The following CEP95 variants were observed in gnomAD, a reference collection of about 807,000 sequenced individuals.
CEP95 encodes the protein centrosomal protein of 95 kDa.
Under a neutral mutation model 111.2 loss-of-function variants are expected in CEP95, and 98 were observed. The ratio of observed to expected loss-of-function variants is 0.88; its 90% CI spans 0.75 to 1.04. The LOEUF is 1.04. CEP95 is among the 50% of genes least tolerant of loss of function. CEP95 has a pLI of 0.00. For missense variants in CEP95, 1,027 were observed against 977.2 expected (o/e 1.05, Z -0.68); for synonymous variants, 323 against 327.1 (o/e 0.99, Z 0.14).
intron 11 of CEP95, among the ~76,000 whole-genome samples, chr17:64,527,870 GTATATATA>G (rs376144614): frequency 8.0e-5 from 9 of 112,654 alleles, no homozygotes; most frequent in South Asian, 6.4e-4. Context: ...GTGTGTGTGT[GTATATATA>G]TATATATATA....
chr17:64,510,079 G>A, intron 2 of CEP95, 94 bp from the exon 3 acceptor site: 1 of 698,390 alleles, frequency 1.4e-6, no homozygotes, highest in South Asian at 1.6e-5. Context: ...AGCCTTTATA[G>A]CAGTTGAGCA....
intron 13 of CEP95, chr17:64,531,229 A>G (rs1968257041): frequency 2.6e-6 from 1 of 383,454 alleles, no homozygotes; most frequent in African/African-American, 2.1e-5. Flanking sequence ...AAAGAAAAGT[A>G]GTGTTTTTCC....
chr17:64,532,076 T>C, intron 14 of CEP95, 54 bp downstream of exon 14: 1 of 1,491,072 alleles, frequency 6.7e-7, no homozygotes. Flanking sequence ...TGAAAGCATG[T>C]GCAACATTCC....
intron 6 of CEP95, chr17:64,520,580 T>C (rs1445294582): frequency 6.6e-6 from 1 of 152,070 alleles, no homozygotes; most frequent in African/African-American, 2.4e-5. Flanking sequence ...ATTACAAGTA[T>C]GTGCCACATG....
At chr17:64,516,198 A>G (rs188316906) in intron 4 of CEP95, 40 of 152,342 alleles carry the variant, frequency 2.6e-4, no homozygotes, top group African/African-American at 8.2e-4. Context: ...GAATCATGGG[A>G]GGTTTCACCT....
Position 64,532,859 on chromosome 17 carries a change from C to G in CEP95, c.1693C>G (p.Leu565Val). The stretch of plus-strand genomic sequence containing the variant: ...TGCAGTGAAAGTAAGTGAACACAGT[C>G]TCCTGCCCCTTATGCTGGAGCAGTT... ...AVPMKVSEHS[L>V]LPLMLEQFPF... The change falls in exon 15 of 20, where the codon CTC (leucine) becomes GTC (valine). Residue 565 changes from leucine to valine, a missense_variant. Transcript: ENST00000556440. 1 of 1,612,784 alleles carries G rather than the reference C, an allele frequency of 6.2e-7. No individual in the cohort carries two copies. Among genetic ancestry groups the G allele is most frequent in the South Asian group, 1.1e-5 (1 of 90,754 alleles).
In CEP95 at chr17:64,525,750, T is replaced by G. The variant is rs1967764234; in HGVS notation, c.910-20T>G. On this transcript the variant is annotated intron_variant, in intron 8 of 19. Transcript: ENST00000556440. ...TTATTTGTAGCTTTTTCAAATCAAC[T>G]TTTTTTCTGTTTTTAATAGGATCTA... is the stretch of plus-strand genomic sequence containing the variant. 6.6e-7 allele frequency: 1 copy of G among 1,520,026 alleles called. No homozygotes were observed. The highest frequency in any genetic ancestry group is 9.0e-7 in the Non-Finnish European group (1 of 1,112,506). 94.2% of individuals were successfully genotyped at this position (1,520,026 alleles called of 1,614,324 possible).
Position 64,531,004 on chromosome 17 carries a change from A to G in CEP95, c.1525A>G (p.Lys509Glu), listed in dbSNP as rs142127019. The G allele has an allele frequency of 2.6e-4, 396 of 1,544,634 alleles. 1 individual carries two copies. The African/African-American group carries it at 4.2e-3, about 17-fold the overall frequency. The change falls in exon 13 of 20, where the codon AAG (lysine) becomes GAG (glutamate). Residue 509 changes from lysine (K) to glutamate (E), a missense_variant. Transcript: ENST00000556440. ...ENIGPLRIHE[K>E]EEETEKIYRG... ...TATTGGACCTCTAAGAATACATGAGAAGGAGGAGGAAACAGTGGGTAAAAG... is the reference window on the plus strand; with the variant it reads ...TATTGGACCTCTAAGAATACATGAGGAGGAGGAGGAAACAGTGGGTAAAAG...
At chr17:64,537,559 G>A in intron 19 of CEP95, 44 bp from the exon 20 acceptor site, 2 of 1,531,650 alleles carry the variant, frequency 1.3e-6, no homozygotes, top group South Asian at 2.6e-5. Context: ...TGAGGGCCTG[G>A]ATAAATGCTG....
Position 64,526,503 on chromosome 17 carries a change from C to A in CEP95, c.1152+303C>A, listed in dbSNP as rs189513475. ...ATGTCTTTATAGTTCCCCTTTGCCG[C>A]TAAAGACAGATCTGGTATAAAATTG... On this transcript the variant is annotated intron_variant, in intron 10 of 19. Transcript: ENST00000556440. Among the ~76,000 whole-genome samples the A allele has an allele frequency of 2.0e-5, 3 of 152,226 alleles. No homozygotes were observed. The East Asian group carries it at 5.8e-4, about 29-fold the overall frequency.
chr17:64,534,990 AG>A, intron 17 of CEP95: 1 of 444,558 alleles, frequency 2.2e-6, no homozygotes, highest in South Asian at 2.1e-5. Context: ...TACACATAAC[AG>A]GTACTTCTCC....
chr17:64,530,438 T>A (rs1000112549), intron 12 of CEP95, among the ~76,000 whole-genome samples: 11 of 151,754 alleles, frequency 7.2e-5, no homozygotes, highest in Non-Finnish European at 8.8e-5. Context: ...GGAATTTTTT[T>A]AAAAAGTGAA....
Position 64,527,136 on chromosome 17 carries a change from G to A in CEP95, c.1178G>A (p.Arg393Gln), listed in dbSNP as rs1967879603. ...DWMLKSALGD[R>Q]IKEKTDHKEE... ...ATGTTAAAAAGTGCTCTGGGTGATC[G>A]GATTAAAGAAAAGACTGACCATAAA... Residue 393 changes from arginine (R) to glutamine (Q), a missense_variant, in exon 11 of 20, where the codon CGG (arginine) becomes CAG (glutamine). Arg to Gln is a conservative substitution (Grantham distance 43). Transcript: ENST00000556440. 11 of 1,612,790 alleles carry A rather than the reference G, an allele frequency of 6.8e-6. No homozygotes were observed. The highest frequency in any genetic ancestry group is 1.3e-5 in the African/African-American group (1 of 74,918).
rs1246712302 is a variant in CEP95, at chr17:64,518,077, G to A, written c.474-1244G>A. On this transcript the variant is annotated intron_variant, in intron 5 of 19. Transcript: ENST00000556440. ...TCTTTAGTAAAGGTGAGTTTTCACC[G>A]TGTTGGCAAGGCTGGTCTTGAACTC... is the stretch of plus-strand genomic sequence containing the variant. 2.6e-5 allele frequency among the ~76,000 whole-genome samples: 4 copies of A among 151,876 alleles called. No individual in the cohort carries two copies. The East Asian group carries it at 7.8e-4, about 29-fold the overall frequency.
intron 18 of CEP95, 33 bp downstream of exon 18, chr17:64,536,781 C>T (rs1737259878): frequency 7.6e-6 from 12 of 1,579,346 alleles, no homozygotes; most frequent in Non-Finnish European, 1.0e-5. Context: ...CGCTGTTGTG[C>T]TTAGTCCTGA....
chr17:64,517,417 A>G (rs966475784), intron 5 of CEP95, among the ~76,000 whole-genome samples: 4 of 152,144 alleles, frequency 2.6e-5, no homozygotes, highest in Non-Finnish European at 5.9e-5. Flanking sequence ...AAAAAGCAGG[A>G]AAAAAAATCT....
At chr17:64,515,185 A>G (rs553454751) in intron 4 of CEP95, among the ~76,000 whole-genome samples, 1 of 152,284 alleles carries the variant, frequency 6.6e-6, no homozygotes, top group East Asian at 1.9e-4. Context: ...GCGTCTGGGT[A>G]CTCTGGGAGG....
At chr17:64,524,279 A>G (rs1012533475) in intron 8 of CEP95, among the ~76,000 whole-genome samples, 1 of 152,070 alleles carries the variant, frequency 6.6e-6, no homozygotes, top group Admixed American at 6.6e-5. Flanking sequence ...AAATATGATT[A>G]TATTTTAGTT....
intron 16 of CEP95, 78 bp downstream of exon 16, chr17:64,533,269 A>C: frequency 8.1e-7 from 1 of 1,228,896 alleles, no homozygotes; most frequent in Non-Finnish European, 1.1e-6. Context: ...GCTGGGCAAC[A>C]GTTGCACAGA....
Sources: allele counts gnomAD v4.1 joint callset (sites outside exome capture counted in the v4.1 genomes callset), GRCh38; gene constraint gnomAD v4.1.1; transcripts MANE v1.5; gene names NCBI Gene and HGNC (gene_info 2026-07-23, HGNC 2026-07-21).